Variants in ANAPC7 observed in about 807,000 individuals in gnomAD.
The protein encoded by ANAPC7 is anaphase promoting complex subunit 7.
A neutral mutation model predicts 63.3 loss-of-function variants in ANAPC7; 25 were observed. That is an observed-to-expected ratio of 0.39 (90% CI 0.29 to 0.55). The LOEUF is 0.55. Among genes scored for constraint, ANAPC7 ranks in the 20% least tolerant of loss-of-function variants. The pLI is 0.57. For synonymous variants in ANAPC7, 241 were observed against 251.7 expected (o/e 0.96, Z 0.40); for missense variants, 516 against 691.7 (o/e 0.75, Z 2.85).
At chr12:110,378,011 C>A (rs1318839694) in intron 8 of ANAPC7, 2 of 250,404 alleles carry the variant, frequency 8.0e-6, no homozygotes, top group African/African-American at 4.4e-5. Context: ...GTTTTGCTGC[C>A]TCTTAACAAG....
At chr12:110,391,817 G>A (rs890666193) in intron 3 of ANAPC7, among the ~76,000 whole-genome samples, 28 of 152,116 alleles carry the variant, frequency 1.8e-4, no homozygotes, top group African/African-American at 2.9e-4. Flanking sequence ...CTTCTTGGCC[G>A]GGCGTGGTGG....
chr12:110,386,588 G>A (rs554840150), intron 5 of ANAPC7, 119 bp from the exon 6 acceptor site: 71 of 1,011,414 alleles, frequency 7.0e-5, no homozygotes, highest in East Asian at 1.5e-4. Context: ...AAAATTCTTC[G>A]TAATAAAAAA....
intron 3 of ANAPC7, among the ~76,000 whole-genome samples, chr12:110,393,416 T>G (rs1387598672): frequency 6.6e-6 from 1 of 152,112 alleles, no homozygotes; most frequent in African/African-American, 2.4e-5. Flanking sequence ...TAAACTCACT[T>G]TCACTTAAAA....
chr12:110,395,891 A>C (rs1883532422), intron 2 of ANAPC7, among the ~76,000 whole-genome samples: 1 of 152,032 alleles, frequency 6.6e-6, no homozygotes, highest in South Asian at 2.1e-4. Flanking sequence ...GCGGTCCCCA[A>C]CCTTTTTGGC....
intron 9 of ANAPC7, 95 bp from the exon 10 acceptor site, chr12:110,376,311 C>A: frequency 7.0e-7 from 1 of 1,431,756 alleles, no homozygotes; most frequent in Non-Finnish European, 9.6e-7. Context: ...CAAGAGAACA[C>A]TGGTGCAACA....
rs759639186 is a variant in ANAPC7 at position 110,376,080 on chromosome 12, A to G, written c.1494T>C (p.Tyr498=). The change falls in exon 10 of 11, where the codon TAT becomes TAC. Residue 498 remains tyrosine (Y), a synonymous_variant. Coordinates refer to ENST00000455511, the MANE Select transcript of ANAPC7 (RefSeq NM_016238.3). ...VNEYQEAMDQ[Y]SIALSLDPND... ...CTAGTGCCTACCTTAGTGCTATACTATACTGGTCCATTGCCTCCTGATACT... is the reference window on the plus strand; with the variant it reads ...CTAGTGCCTACCTTAGTGCTATACTGTACTGGTCCATTGCCTCCTGATACT... 1.2e-6 allele frequency: 2 copies of G among 1,613,978 alleles called. No individual in the cohort carries two copies. The highest frequency in any genetic ancestry group is 1.7e-6 in the Non-Finnish European group (2 of 1,180,012).
At chr12:110,394,638 C>T (rs1883405248) in intron 3 of ANAPC7, among the ~76,000 whole-genome samples, 2 of 132,258 alleles carry the variant, frequency 1.5e-5, no homozygotes, top group Admixed American at 1.7e-4. Flanking sequence ...TATTGCACTC[C>T]AGCCTGGGCA....
Position 110,399,328 on chromosome 12 carries a change from T to C in ANAPC7, c.102-2876A>G, listed in dbSNP as rs148336599. 6.2e-3 allele frequency among the ~76,000 whole-genome samples: 931 copies of C among 151,000 alleles called. 16 individuals carry two copies. The highest frequency in any genetic ancestry group is 0.021 in the African/African-American group (857 of 41,330). On this transcript the variant is annotated intron_variant, in intron 1 of 10. Transcript: ENST00000455511. The stretch of plus-strand genomic sequence containing the variant: ...AGCCACTGCGCCCAGCCGAGTCGAA[T>C]AATTCTGTAGATAGTTAATTTCTCA...
At chr12:110,395,721 G>A (rs1406068728) in intron 2 of ANAPC7, among the ~76,000 whole-genome samples, 1 of 151,900 alleles carries the variant, frequency 6.6e-6, no homozygotes, top group African/African-American at 2.4e-5. Flanking sequence ...TGTATTTTTA[G>A]TAGAGACGGC....
intron 6 of ANAPC7, among the ~76,000 whole-genome samples, chr12:110,385,986 A>G (rs796985237): frequency 3.3e-5 from 5 of 152,230 alleles, no homozygotes; most frequent in African/African-American, 1.2e-4. Context: ...AAATTCCCTA[A>G]AAGGATATTA....
chr12:110,391,217 T>C (rs984591790), intron 3 of ANAPC7, among the ~76,000 whole-genome samples: 3 of 152,042 alleles, frequency 2.0e-5, no homozygotes, highest in African/African-American at 7.2e-5. Flanking sequence ...AAGTCAACTA[T>C]TTTAAAAATA....
chr12:110,376,568 C>CAAAAAAAAAA (rs57434475), intron 9 of ANAPC7, among the ~76,000 whole-genome samples: 2,699 of 62,172 alleles, frequency 0.043, 390 homozygotes, highest in Middle Eastern at 0.048. Flanking sequence ...GACTCCATCT[C>CAAAAAAAAAA]AAAAAAAAAA....
At chr12:110,403,415 C>T in intron 1 of ANAPC7, 112 bp downstream of exon 1, 4 of 1,248,620 alleles carry the variant, frequency 3.2e-6, no homozygotes, top group Non-Finnish European at 4.5e-6. Flanking sequence ...CCGGAGCCTC[C>T]GCTGGCGCCG....
chr12:110,387,291 G>GAGAGAGAGAGAGAGAGAGAGAGAGAGAC (rs1882608343), intron 5 of ANAPC7: 1 of 126,238 alleles, frequency 7.9e-6, no homozygotes, highest in African/African-American at 3.2e-5. Flanking sequence ...GAGAGACAGA[G>GAGAGAGAGAGAGAGAGAGAGAGAGAGAC]AGAGAGAGAG....
chr12:110,377,936 G>A, intron 8 of ANAPC7: 1 of 656,492 alleles, frequency 1.5e-6, no homozygotes, highest in Non-Finnish European at 2.2e-6. Context: ...CGACACTAAT[G>A]ATTAGTCTGT....
At chr12:110,395,725 A>T (rs1592925974) in intron 2 of ANAPC7, among the ~76,000 whole-genome samples, 1 of 151,908 alleles carries the variant, frequency 6.6e-6, no homozygotes, top group Non-Finnish European at 1.5e-5. Context: ...TTTTTAGTAG[A>T]GACGGCGTTT....
rs1031883640 is a variant in ANAPC7, at chr12:110,382,874, C to A, written c.904G>T (p.Asp302Tyr). ...NLGCRLFNIS[D>Y]QHAEPWVVSG... ...ACCACCCACGGTTCTGCATGCTGATCAGAGATATTGAAAAGGCGGCATCCA... is the reference window on the plus strand; with the variant it reads ...ACCACCCACGGTTCTGCATGCTGATAAGAGATATTGAAAAGGCGGCATCCA... The change falls in exon 7 of 11, where the codon GAT becomes TAT. Residue 302 changes from aspartate to tyrosine, a missense_variant. Coordinates refer to ENST00000455511, the MANE Select transcript of ANAPC7 (RefSeq NM_016238.3). 2 of 1,613,924 alleles carry A rather than the reference C, an allele frequency of 1.2e-6. No individual in the cohort carries two copies. The highest frequency in any genetic ancestry group is 1.3e-5 in the African/African-American group (1 of 75,036).
chr12:110,381,953 A>T lies in ANAPC7; in HGVS notation c.936-5T>A. 3.0e-5 allele frequency: 18 copies of T among 599,012 alleles called. No homozygotes were observed. Among genetic ancestry groups the T allele is most frequent in the Non-Finnish European group, 4.1e-5 (17 of 417,202 alleles). 37.1% of individuals were successfully genotyped at this position (599,012 alleles called of 1,614,324 possible). The stretch of plus-strand genomic sequence containing the variant: ...TTGCTATAGAAGCTGTGACAGCTGG[A>T]GAAAAAAAAAAAAAAAAAAACACAA... On this transcript the variant is annotated splice_polypyrimidine_tract_variant and splice_region_variant and intron_variant, in intron 7 of 10. Transcript: ENST00000455511.
chr12:110,388,598 T>A lies in ANAPC7; in HGVS notation c.434A>T (p.Tyr145Phe), dbSNP rs758064759. 1 of 1,614,060 alleles carries A rather than the reference T, an allele frequency of 6.2e-7. No homozygotes were observed. Among genetic ancestry groups the A allele is most frequent in the South Asian group, 1.1e-5 (1 of 91,092 alleles). The change falls in exon 4 of 11, where the codon TAC (tyrosine) becomes TTC (phenylalanine). Residue 145 changes from tyrosine (Y) to phenylalanine (F), a missense_variant. Tyr to Phe is a conservative substitution (Grantham distance 22). Around this residue, in one of 4 missense-constraint regions of ANAPC7, gnomAD observed 185 missense variants for 200.3 expected, o/e 0.92. Transcript: ENST00000455511. ...PKINMMLANLYKKAGQERPSV... is the reference protein window; with the variant it reads ...PKINMMLANLFKKAGQERPSV... Reference sequence around the variant, plus strand: ...AGGGCGCTCCTGACCAGCCTTCTTGTACAGGTTTGCCAGCATCATGTTTAT... The same window carrying A: ...AGGGCGCTCCTGACCAGCCTTCTTGAACAGGTTTGCCAGCATCATGTTTAT...
Sources: gnomAD v4.1 joint callset for allele counts (sites outside exome capture counted in the v4.1 genomes callset) on GRCh38, gnomAD v4.1.1 for gene constraint, gnomAD v4.1.1 regional missense constraint, MANE v1.5 for transcripts, NCBI Gene and HGNC (gene_info 2026-07-23, HGNC 2026-07-21) for gene names.